Variants in ABLIM1 observed in about 807,000 individuals in gnomAD.
The protein encoded by ABLIM1 is actin binding LIM protein 1.
In ABLIM1, 40 loss-of-function variants were observed where a neutral mutation model predicts 107.0. The ratio of observed to expected loss-of-function variants is 0.37; its 90% CI spans 0.29 to 0.49. ABLIM1 has a LOEUF of 0.49. Ranked by LOEUF, ABLIM1 falls within the 20% of genes least tolerant of loss-of-function variation. The pLI is 0.97. For missense variants in ABLIM1, 857 were observed against 1,008.5 expected (o/e 0.85, Z 2.04); for synonymous variants, 357 against 357.3 (o/e 1.00, Z 0.01).
At chr10:114,585,701 A>G (rs2074109957) in intron 2 of ABLIM1, among the ~76,000 whole-genome samples, 1 of 152,100 alleles carries the variant, frequency 6.6e-6, no homozygotes, top group African/African-American at 2.4e-5. Flanking sequence ...CCCCACTGAC[A>G]TTCTTTTTAC....
At chr10:114,529,315 G>T (rs1565841883) in intron 6 of ABLIM1, among the ~76,000 whole-genome samples, 1 of 151,978 alleles carries the variant, frequency 6.6e-6, no homozygotes, top group African/African-American at 2.4e-5. Flanking sequence ...AGTAGAGATG[G>T]GGTTTCACCG....
chr10:114,533,289 CAAGA>C lies in ABLIM1; in HGVS notation c.894+11712_894+11715del, dbSNP rs2065641386. On this transcript the variant is annotated intron_variant, in intron 6 of 22. Coordinates refer to ENST00000533213, the MANE Select transcript of ABLIM1 (RefSeq NM_002313.7). ...CTGGGAGGTGGAGGTTGCACTGAGC[CAAGA>C]TAGTGCCACTGCACTCCAGCCTGGG... Among the ~76,000 whole-genome samples, 3 of 151,844 alleles carry C rather than the reference CAAGA, an allele frequency of 2.0e-5. No individual in the cohort carries two copies. In the South Asian group the frequency reaches 6.2e-4, roughly 32 times the overall value.
intron 4 of ABLIM1, among the ~76,000 whole-genome samples, chr10:114,557,798 A>G (rs2138131830): frequency 7.2e-6 from 1 of 139,806 alleles, no homozygotes; most frequent in Admixed American, 7.8e-5. Context: ...TAATTGTTTT[A>G]TCTGAGTTCC....
At chr10:114,739,809 A>AGT (rs2082251487) in intron 1 of ABLIM1, among the ~76,000 whole-genome samples, 1 of 152,212 alleles carries the variant, frequency 6.6e-6, no homozygotes, top group African/African-American at 2.4e-5. Flanking sequence ...GCATTCAGGC[A>AGT]GTGTTACATC....
intron 1 of ABLIM1, among the ~76,000 whole-genome samples, chr10:114,674,718 T>G (rs2080404834): frequency 6.6e-6 from 1 of 151,624 alleles, no homozygotes; most frequent in Non-Finnish European, 1.5e-5. Context: ...CTTTTTTTTT[T>G]TTTTTTGAGA....
intron 1 of ABLIM1, among the ~76,000 whole-genome samples, chr10:114,624,153 C>T (rs573009978): frequency 6.6e-6 from 1 of 152,304 alleles, no homozygotes; most frequent in Admixed American, 6.5e-5. Flanking sequence ...AGATCAAACT[C>T]AACCACAATG....
upstream of ABLIM1, among the ~76,000 whole-genome samples, chr10:114,661,311 A>T (rs144483906): frequency 7.2e-5 from 11 of 152,320 alleles, no homozygotes; most frequent in African/African-American, 2.2e-4. Context: ...GTGGAGAGGG[A>T]TGAGAGTTCA....
chr10:114,436,708 C>T (rs1264419955), intron 22 of ABLIM1, among the ~76,000 whole-genome samples: 1 of 152,132 alleles, frequency 6.6e-6, no homozygotes, highest in African/African-American at 2.4e-5. Flanking sequence ...GGAAAATGGA[C>T]TATCGCAATA....
chr10:114,436,387 A>G lies in ABLIM1; in HGVS notation c.2224-14T>C, dbSNP rs771204875. ...GGCTAAGTGGCGCTGGGAAGAAGAAAAAAAAAAAAGAGCTGCTGTCAGTCC... is the reference window on the plus strand; with the variant it reads ...GGCTAAGTGGCGCTGGGAAGAAGAAGAAAAAAAAAGAGCTGCTGTCAGTCC... On this transcript the variant is annotated splice_polypyrimidine_tract_variant and intron_variant, in intron 22 of 22. Coordinates refer to ENST00000533213, the MANE Select transcript of ABLIM1 (RefSeq NM_002313.7). 6.1e-5 allele frequency: 96 copies of G among 1,582,414 alleles called. No individual in the cohort carries two copies. Among genetic ancestry groups the G allele is most frequent in the East Asian group, 2.7e-4 (12 of 44,568 alleles).
intron 12 of ABLIM1, chr10:114,463,151 A>G: frequency 7.7e-7 from 1 of 1,304,226 alleles, no homozygotes. Context: ...TCTGCACACC[A>G]GGAGACAAAA....
intron 4 of ABLIM1, among the ~76,000 whole-genome samples, chr10:114,552,147 G>T (rs2068139644): frequency 6.6e-6 from 1 of 152,146 alleles, no homozygotes; most frequent in South Asian, 2.1e-4. Context: ...CTCCTGTCTG[G>T]ACAAAGCCAT....
chr10:114,490,068 T>A (rs1253512507), intron 7 of ABLIM1, among the ~76,000 whole-genome samples: 1 of 152,194 alleles, frequency 6.6e-6, no homozygotes, highest in Non-Finnish European at 1.5e-5. Context: ...TGCTTTTGAG[T>A]GCTAGAATTG....
rs377091031 is a variant in ABLIM1 at position 114,598,101 on chromosome 10, G to A, written c.379+3726C>T. Among the ~76,000 whole-genome samples, 26 of 151,974 alleles carry A rather than the reference G, an allele frequency of 1.7e-4. No homozygotes were observed. In the East Asian group the frequency reaches 3.1e-3, roughly 18 times the overall value. On this transcript the variant is annotated intron_variant, in intron 2 of 22. Transcript: ENST00000533213. ...AGCCTGGTCAATATGGTAAAACCCC[G>A]TGTCTACAAATAATACAAAAAAATT...
intron 18 of ABLIM1, 132 bp from the exon 19 acceptor site, chr10:114,441,209 T>C (rs536941910): frequency 8.9e-5 from 83 of 934,208 alleles, no homozygotes; most frequent in African/African-American, 5.0e-4. Flanking sequence ...ATTTTTTTTT[T>C]CCCTATGATT....
At chr10:114,728,577 G>C (rs1445841507) in intron 1 of ABLIM1, among the ~76,000 whole-genome samples, 2 of 95,240 alleles carry the variant, frequency 2.1e-5, no homozygotes, top group African/African-American at 8.1e-5. Context: ...TAATCTGAAA[G>C]ACAAAATGGA....
rs561407245 is a variant in ABLIM1 at position 114,621,539 on chromosome 10, A to G, written c.245-19578T>C. On this transcript the variant is annotated intron_variant, in intron 1 of 22. Transcript: ENST00000533213. ...TAGGTTGAATCAAACACCATCCCCA[A>G]CATTAAGAAACCTACAGAACTCCTC... is the stretch of plus-strand genomic sequence containing the variant. 2.6e-5 allele frequency among the ~76,000 whole-genome samples: 4 copies of G among 152,282 alleles called. No homozygotes were observed. In the South Asian group the frequency reaches 6.2e-4, roughly 24 times the overall value.
At chr10:114,762,142 T>C (rs1371237875) in intron 1 of ABLIM1, among the ~76,000 whole-genome samples, 1 of 152,060 alleles carries the variant, frequency 6.6e-6, no homozygotes, top group Non-Finnish European at 1.5e-5. Context: ...ACACCATTCT[T>C]CTGCCTCAGC....
chr10:114,667,441 T>G (rs2080073038), intron 1 of ABLIM1, among the ~76,000 whole-genome samples: 1 of 152,234 alleles, frequency 6.6e-6, no homozygotes, highest in South Asian at 2.1e-4. Context: ...TACAGTCTTT[T>G]CTCTTTAACC....
At chr10:114,574,448 T>A (rs77051733) in intron 3 of ABLIM1, among the ~76,000 whole-genome samples, 3 of 151,030 alleles carry the variant, frequency 2.0e-5, no homozygotes, top group African/African-American at 4.9e-5. Context: ...TATTTTATTT[T>A]ATTTTTTTTG....
Sources: allele counts gnomAD v4.1 joint callset (sites outside exome capture counted in the v4.1 genomes callset), GRCh38; gene constraint gnomAD v4.1.1; transcripts MANE v1.5; gene names NCBI Gene and HGNC (gene_info 2026-07-23, HGNC 2026-07-21).